GPHN: variants seen among roughly 807,000 people sequenced by gnomAD.
GPHN encodes gephyrin.
A neutral mutation model predicts 95.5 loss-of-function variants in GPHN; 17 were observed. The ratio of observed to expected loss-of-function variants is 0.18; its 90% confidence interval spans 0.12 to 0.27. GPHN has a LOEUF of 0.27. GPHN is among the 10% of genes least tolerant of loss of function. GPHN has a pLI of 1.00. For missense variants in GPHN, 660 were observed against 978.1 expected, an observed-to-expected ratio of 0.67 and a Z score of 4.34; for synonymous variants, 320 against 322.5, an observed-to-expected ratio of 0.99 and a Z score of 0.08.
intron 9 of GPHN, chr14:66,985,597 A>G (rs2070971618): frequency 6.3e-6 from 5 of 797,408 alleles, no homozygotes; most frequent in South Asian, 1.5e-5. Context: ...ATGTTTTTGC[A>G]TGTATTACTT....
intron 1 of GPHN, among the ~76,000 whole-genome samples, chr14:66,546,364 G>A (rs1236355864): frequency 2.6e-5 from 4 of 152,108 alleles, no homozygotes; most frequent in Non-Finnish European, 5.9e-5. Flanking sequence ...CTTCCCAGAC[G>A]GGGTGGCGGC....
At chr14:66,766,618 A>G (rs891511017) in intron 2 of GPHN, among the ~76,000 whole-genome samples, 8 of 152,204 alleles carry the variant, frequency 5.3e-5, no homozygotes, top group African/African-American at 1.4e-4. Flanking sequence ...CATTTGTGCA[A>G]TATTCCCAAA....
At chr14:66,872,637 G>A (rs1192414477) in intron 4 of GPHN, among the ~76,000 whole-genome samples, 2 of 152,062 alleles carry the variant, frequency 1.3e-5, no homozygotes, top group African/African-American at 2.4e-5. Flanking sequence ...GCTTATGCCT[G>A]TAATCCCAGT....
chr14:67,557,279 T>C, the GPHN span: 7 of 1,613,522 alleles, frequency 4.3e-6, no homozygotes, highest in East Asian at 4.5e-5. Context: ...GTGGGTGTCA[T>C]GGAAGAGAAG....
intron 1 of GPHN, among the ~76,000 whole-genome samples, chr14:66,629,446 T>A (rs6573692): frequency 0.31 from 47,538 of 151,474 alleles, 11,467 homozygotes; most frequent in African/African-American, 0.65. Flanking sequence ...ATCTTCTATG[T>A]TAACAACACC....
chr14:67,359,726 CCCGG>C, the GPHN span: 2 of 1,613,092 alleles, frequency 1.2e-6, no homozygotes, highest in African/African-American at 2.7e-5. Flanking sequence ...GGCTCGGGTC[CCCGG>C]CCGGGCAACC....
the GPHN span, chr14:67,350,590 C>T: frequency 4.4e-6 from 7 of 1,596,650 alleles, no homozygotes; most frequent in Non-Finnish European, 6.0e-6. Flanking sequence ...TGCTTCAAAA[C>T]ACCCCGTTTA....
chr14:67,072,752 T>C (rs1595033891), intron 11 of GPHN, among the ~76,000 whole-genome samples: 1 of 151,552 alleles, frequency 6.6e-6, no homozygotes, highest in African/African-American at 2.4e-5. Flanking sequence ...TTCTATAAAC[T>C]CCTCTTCTGC....
At chr14:67,669,331 G>A in the GPHN span, among the ~76,000 whole-genome samples, 1 of 146,424 alleles carries the variant, frequency 6.8e-6, no homozygotes, top group South Asian at 2.2e-4. Flanking sequence ...GTGCAATGAT[G>A]TGATGACAGC....
the GPHN span, among the ~76,000 whole-genome samples, chr14:67,459,558 C>A: frequency 4.6e-5 from 7 of 152,124 alleles, no homozygotes; most frequent in Non-Finnish European, 7.4e-5. Flanking sequence ...ACCCTGATAC[C>A]CATCTTGAAA....
chr14:66,695,604 A>G (rs548475991), intron 2 of GPHN, among the ~76,000 whole-genome samples: 1 of 152,372 alleles, frequency 6.6e-6, no homozygotes, highest in South Asian at 2.1e-4. Context: ...GGAAGCAACC[A>G]AGATAACCTT....
chr14:67,018,580 G>A (rs2073434833), intron 9 of GPHN, among the ~76,000 whole-genome samples: 1 of 152,112 alleles, frequency 6.6e-6, no homozygotes, highest in South Asian at 2.1e-4. Flanking sequence ...ATGGCCATAT[G>A]GCTATGACAT....
At chr14:66,671,060 A>G (rs2066282487) in intron 1 of GPHN, among the ~76,000 whole-genome samples, 1 of 152,238 alleles carries the variant, frequency 6.6e-6, no homozygotes, top group Non-Finnish European at 1.5e-5. Context: ...GTTCCCTGTC[A>G]TCAAAATTAG....
At chr14:66,729,205 A>G (rs907187966) in intron 2 of GPHN, among the ~76,000 whole-genome samples, 3 of 152,170 alleles carry the variant, frequency 2.0e-5, no homozygotes, top group African/African-American at 7.2e-5. Flanking sequence ...TTTATTTTGT[A>G]AATTGCCCTG....
chr14:67,645,626 A>C, the GPHN span: 2 of 1,609,852 alleles, frequency 1.2e-6, no homozygotes, highest in South Asian at 2.2e-5. Context: ...CTTCAAGATT[A>C]TACTTGTTCT....
At chr14:67,193,626 T>C in the GPHN span, among the ~76,000 whole-genome samples, 2 of 146,708 alleles carry the variant, frequency 1.4e-5, no homozygotes, top group Non-Finnish European at 1.5e-5. Flanking sequence ...GAAATATATC[T>C]ATCTATATAG....
At chr14:66,847,858 C>G (rs922070181) in intron 4 of GPHN, among the ~76,000 whole-genome samples, 1 of 151,892 alleles carries the variant, frequency 6.6e-6, no homozygotes, top group Non-Finnish European at 1.5e-5. Flanking sequence ...CTCTTCTCCC[C>G]CTATTTGCCC....
At chr14:66,717,822 C>A (rs956090067) in intron 2 of GPHN, among the ~76,000 whole-genome samples, 2 of 152,176 alleles carry the variant, frequency 1.3e-5, no homozygotes, top group African/African-American at 4.8e-5. Context: ...CAGGCTTGTA[C>A]TAGGGGTTGT....
the GPHN span, among the ~76,000 whole-genome samples, chr14:67,549,452 G>C: frequency 2.6e-5 from 4 of 151,974 alleles, no homozygotes; most frequent in Non-Finnish European, 5.9e-5. Flanking sequence ...TGTATTTTTA[G>C]TAGCGACGGG....
Sources: gnomAD v4.1 joint callset for allele counts (sites outside exome capture counted in the v4.1 genomes callset) on GRCh38, gnomAD v4.1.1 for gene constraint, MANE v1.5 for transcripts, NCBI Gene and HGNC (gene_info 2026-07-23, HGNC 2026-07-21) for gene names.